The following GALNT15 variants were observed in gnomAD, a reference collection of about 807,000 sequenced individuals.
GALNT15 encodes the protein polypeptide N-acetylgalactosaminyltransferase 15, also known as UDP-GalNAc transferase T15.
In GALNT15, 67 loss-of-function variants were observed where a neutral mutation model predicts 66.8. That is an observed-to-expected ratio of 1.00 (90% CI 0.82 to 1.23). The LOEUF is 1.23. Ranked by LOEUF, GALNT15 falls within the 50% of genes most tolerant of loss-of-function variation. GALNT15 has a pLI of 0.00. For synonymous variants in GALNT15, 313 were observed against 311.5 expected (o/e 1.00, Z -0.05); for missense variants, 827 against 804.3 (o/e 1.03, Z -0.34).
chr3:16,227,558 C>T lies in GALNT15; in HGVS notation c.*58C>T, dbSNP rs1278924598. The T allele has an allele frequency of 1.2e-6, 2 of 1,613,292 alleles. No individual in the cohort carries two copies. Among genetic ancestry groups the T allele is most frequent in the Non-Finnish European group, 1.7e-6 (2 of 1,179,708 alleles). ...CCATCAAAATCCAGCTCCAAGTGAACTTAAAGAGCTTATATATTTCATGAA... is the reference window on the plus strand; with the variant it reads ...CCATCAAAATCCAGCTCCAAGTGAATTTAAAGAGCTTATATATTTCATGAA... On this transcript the variant is annotated 3_prime_UTR_variant, in exon 10 of 10. Transcript: ENST00000339732. This position sits in a 1 kb window ranked among gnomAD's most constrained non-coding sequence, Gnocchi z 4.5.
Position 16,196,093 on chromosome 3 carries a change from G to A in GALNT15, c.706+167G>A, listed in dbSNP as rs1157560776. 6.0e-6 allele frequency: 4 copies of A among 661,866 alleles called. No homozygotes were observed. In the African/African-American group the frequency reaches 7.3e-5, roughly 12 times the overall value. The allele number at this position is 661,866 out of a possible 1,614,324, so 41.0% of individuals were successfully genotyped here. On this transcript the variant is annotated intron_variant, in intron 2 of 9. Transcript: ENST00000339732. ...GTAACTTATGAATGAAGAGCCACTG[G>A]GGAAACCAGTAAGGCAGTGGGGGCT... is the stretch of plus-strand genomic sequence containing the variant.
Position 16,211,690 on chromosome 3 carries a change from T to C in GALNT15, c.1197+449T>C, listed in dbSNP as rs889821522. ...GGGCACCACACAACTTCTCAAACCT[T>C]GGAGTCACCCTCATTTCCTGTCCCA... is the stretch of plus-strand genomic sequence containing the variant. On this transcript the variant is annotated intron_variant, in intron 5 of 9. Coordinates refer to ENST00000339732, the MANE Select transcript of GALNT15 (RefSeq NM_054110.5). The surrounding 1 kb of genome is among the most constrained non-coding windows in gnomAD (Gnocchi z 4.3). 1.4e-3 allele frequency among the ~76,000 whole-genome samples: 216 copies of C among 152,352 alleles called. No homozygotes were observed. The highest frequency in any genetic ancestry group is 5.1e-3 in the African/African-American group (212 of 41,578).
In GALNT15 at chr3:16,228,659, A is replaced by C; in HGVS notation, c.*1159A>C. The C allele has an allele frequency of 1.0e-6, 1 of 982,910 alleles. No individual in the cohort carries two copies. Among genetic ancestry groups the C allele is most frequent in the Non-Finnish European group, 1.2e-6 (1 of 829,236 alleles). The allele number at this position is 982,910 out of a possible 1,614,324, so 60.9% of individuals were successfully genotyped here. A position where few individuals can be genotyped will look rare whatever the true frequency, so the allele number is the denominator to read the frequency against. On this transcript the variant is annotated 3_prime_UTR_variant, in exon 10 of 10. Coordinates refer to ENST00000339732, the MANE Select transcript of GALNT15 (RefSeq NM_054110.5). ...CCATCTCAAAAAAAAAAAAAAAGAGAGAAACTCTCCTGATGCCCTGTTACA... is the reference window on the plus strand; with the variant it reads ...CCATCTCAAAAAAAAAAAAAAAGAGCGAAACTCTCCTGATGCCCTGTTACA...
In GALNT15 at chr3:16,219,310, C is replaced by T; in HGVS notation, c.1393-93C>T. 6.5e-7 allele frequency: 1 copy of T among 1,530,068 alleles called. No homozygotes were observed. Among genetic ancestry groups the T allele is most frequent in the Non-Finnish European group, 8.9e-7 (1 of 1,124,078 alleles). The allele number at this position is 1,530,068 out of a possible 1,614,324, so 94.8% of individuals were successfully genotyped here. ...TTGGCCCCTTCCTTCTGTCCTGATC[C>T]TTTAGCTTCTTCCCAGCCACTCCAT... On this transcript the variant is annotated intron_variant, in intron 6 of 9. Coordinates refer to ENST00000339732, the MANE Select transcript of GALNT15 (RefSeq NM_054110.5). The surrounding 1 kb of genome is among the most constrained non-coding windows in gnomAD (Gnocchi z 4.3).
At chr3:16,218,890 C>G (rs1242510849) in intron 6 of GALNT15, among the ~76,000 whole-genome samples, 1 of 146,566 alleles carries the variant, frequency 6.8e-6, no homozygotes, top group Non-Finnish European at 1.5e-5. Context: ...TCTTGGCTCA[C>G]TGTAGCCTCT....
In GALNT15 at chr3:16,186,877, C is replaced by T. The variant is rs1209569196; in HGVS notation, c.540-8883C>T. Among the ~76,000 whole-genome samples, 1 of 152,068 alleles carries T rather than the reference C, an allele frequency of 6.6e-6. No individual in the cohort carries two copies. The highest frequency in any genetic ancestry group is 6.5e-5 in the Admixed American group (1 of 15,268). On this transcript the variant is annotated intron_variant, in intron 1 of 9. Coordinates refer to ENST00000339732, the MANE Select transcript of GALNT15 (RefSeq NM_054110.5). The surrounding 1 kb of genome is among the most constrained non-coding windows in gnomAD (Gnocchi z 5.1). ...TCAAATTAGACAGTGGTGATGGCTG[C>T]ACACCTTTATACTTGAATCCATGGA...
rs1505609 is a variant in GALNT15 at position 16,208,491 on chromosome 3, A to G, written c.912-12A>G. 3.1e-6 allele frequency: 5 copies of G among 1,612,748 alleles called. No individual in the cohort carries two copies. In the South Asian group the frequency reaches 4.4e-5, roughly 14 times the overall value. On this transcript the variant is annotated splice_polypyrimidine_tract_variant and intron_variant, in intron 3 of 9. Transcript: ENST00000339732. ...CTTTACGTCCCTTGTTTAATTCCAC[A>G]ATTCTTTCCAGGAGCCGAGTGGTAT...
intron 1 of GALNT15, among the ~76,000 whole-genome samples, chr3:16,190,621 G>C (rs1186027312): frequency 1.5e-5 from 2 of 133,074 alleles, no homozygotes; most frequent in African/African-American, 5.8e-5. Flanking sequence ...CTGGGGGACA[G>C]AGCGAGACTC....
rs1290899777 is a variant in GALNT15 at position 16,180,415 on chromosome 3, G to A, written c.539+4725G>A. ...ATTTCTATCAAAGGCACTCCAAGGT[G>A]GCACCAGCACTGTTGGCCCACAGAG... On this transcript the variant is annotated intron_variant, in intron 1 of 9. Transcript: ENST00000339732. This position sits in a 1 kb window ranked among gnomAD's most constrained non-coding sequence, Gnocchi z 5.0. Among the ~76,000 whole-genome samples, 1 of 152,202 alleles carries A rather than the reference G, an allele frequency of 6.6e-6. No homozygotes were observed. The highest frequency in any genetic ancestry group is 1.5e-5 in the Non-Finnish European group (1 of 68,044).
At chr3:16,232,873 T>G (rs1006089102), downstream of GALNT15, among the ~76,000 whole-genome samples, 20 of 151,758 alleles carry the variant, frequency 1.3e-4, no homozygotes, top group African/African-American at 4.1e-4. Context: ...CGTGAGATTC[T>G]ACATTCCTGC....
At chr3:16,178,848 G>A (rs1033211001) in intron 1 of GALNT15, among the ~76,000 whole-genome samples, 24 of 152,194 alleles carry the variant, frequency 1.6e-4, no homozygotes, top group African/African-American at 5.8e-4. Flanking sequence ...TGTGCCTCGG[G>A]CTGTAGCGCA....
the GALNT15 span, among the ~76,000 whole-genome samples, chr3:16,246,321 G>GTTTTTTT: frequency 3.5e-5 from 3 of 85,266 alleles, no homozygotes; most frequent in African/African-American, 9.5e-5. Flanking sequence ...TTTGAAAGTG[G>GTTTTTTT]TTTTTTTTTT....
At chr3:16,231,904 A>G, downstream of GALNT15, 1 of 1,535,738 alleles carries the variant, frequency 6.5e-7, no homozygotes, top group East Asian at 2.4e-5. This position sits in a 1 kb window ranked among gnomAD's most constrained non-coding sequence, Gnocchi z 4.1. Context: ...GAGATCCTCA[A>G]GAAGGCACTG....
At chr3:16,222,896 G>A (rs939994611) in intron 9 of GALNT15, 138 bp downstream of exon 9, 6 of 1,021,922 alleles carry the variant, frequency 5.9e-6, no homozygotes, top group Non-Finnish European at 7.0e-6. Context: ...TGGCTGGGCA[G>A]TAAGGCCTCA....
At chr3:16,216,614 G>T (rs2063881461) in intron 6 of GALNT15, among the ~76,000 whole-genome samples, 1 of 152,234 alleles carries the variant, frequency 6.6e-6, no homozygotes, top group Non-Finnish European at 1.5e-5. Context: ...TTTCACTTGG[G>T]GTCTTATACA....
At chr3:16,201,689 C>A (rs1331469204) in intron 3 of GALNT15, among the ~76,000 whole-genome samples, 6 of 152,200 alleles carry the variant, frequency 3.9e-5, no homozygotes, top group Non-Finnish European at 8.8e-5. Context: ...GAGAGGACTG[C>A]ATTACATTAC....
chr3:16,245,412 G>T, the GALNT15 span, among the ~76,000 whole-genome samples: 1 of 152,212 alleles, frequency 6.6e-6, no homozygotes, highest in Non-Finnish European at 1.5e-5. Context: ...TGCACATTCA[G>T]TCTCCAACTT....
intron 1 of GALNT15, among the ~76,000 whole-genome samples, chr3:16,177,633 A>T (rs1213695384): frequency 6.6e-6 from 1 of 152,308 alleles, no homozygotes; most frequent in Non-Finnish European, 1.5e-5. Context: ...ATGTGCATGT[A>T]TTATGTGCAT....
At chr3:16,232,469 A>ATATACATATATATAT (rs1553689249), downstream of GALNT15, among the ~76,000 whole-genome samples, 8 of 38,740 alleles carry the variant, frequency 2.1e-4, no homozygotes, top group Non-Finnish European at 4.3e-4. Context: ...TAAATAAATA[A>ATATACATATATATAT]ATATATATAT....
Sources: gnomAD v4.1 joint callset for allele counts (sites outside exome capture counted in the v4.1 genomes callset) on GRCh38, gnomAD v4.1.1 for gene constraint, Gnocchi (gnomAD v3.1) non-coding constraint, MANE v1.5 for transcripts, NCBI Gene and HGNC (gene_info 2026-07-23, HGNC 2026-07-21) for gene names.